ZNF454: variants seen among roughly 807,000 people sequenced by gnomAD.
The protein encoded by ZNF454 is zinc finger protein 454.
In ZNF454, 30 loss-of-function variants were observed where a neutral mutation model predicts 48.2. That is an observed-to-expected ratio of 0.62 (90% CI 0.47 to 0.84). ZNF454 has a LOEUF of 0.84. ZNF454 is among the 40% of genes least tolerant of loss of function. The probability of loss-of-function intolerance (pLI) is 0.00; values close to 1 mark genes in which losing one functional copy is unlikely to be tolerated. For synonymous variants in ZNF454, 204 were observed against 211.4 expected, an observed-to-expected ratio of 0.97 and a Z score of 0.30; for missense variants, 510 against 623.1, an observed-to-expected ratio of 0.82 and a Z score of 1.93.
downstream of ZNF454, among the ~76,000 whole-genome samples, chr5:178,969,126 T>G (rs542525718): frequency 2.3e-4 from 35 of 152,142 alleles, no homozygotes; most frequent in Non-Finnish European, 3.8e-4. Flanking sequence ...GTGGCTTTAC[T>G]GTATTACACT....
the ZNF454 span, chr5:178,985,918 T>C: frequency 1.7e-4 from 101 of 591,346 alleles, 1 homozygote; most frequent in East Asian, 2.1e-3. Context: ...CGCACCACCA[T>C]GCCTGGCTAA....
chr5:178,986,475 G>T, the ZNF454 span: 1 of 1,612,030 alleles, frequency 6.2e-7, no homozygotes, highest in Non-Finnish European at 8.5e-7. Flanking sequence ...TGCCCAGCAC[G>T]GCCAGGAGGA....
chr5:178,989,374 C>T, the ZNF454 span: 38 of 1,613,976 alleles, frequency 2.4e-5, no homozygotes, highest in Non-Finnish European at 3.1e-5. Flanking sequence ...GGTTGTTCTC[C>T]AGGGATCGAG....
At chr5:178,947,028 T>C in intron 4 of ZNF454, 42 bp downstream of exon 4, 4 of 1,566,686 alleles carry the variant, frequency 2.6e-6, no homozygotes, top group East Asian at 2.2e-5. Context: ...GGAGCCCTGC[T>C]GGGTAGGGAA....
chr5:178,985,666 G>A, the ZNF454 span: 30,710 of 392,956 alleles, frequency 0.078, 2,357 homozygotes, highest in East Asian at 0.34. Flanking sequence ...TAGTGCCACT[G>A]CACTCCAGCC....
At chr5:178,956,694 T>G (rs1233403416) in intron 4 of ZNF454, among the ~76,000 whole-genome samples, 1 of 147,526 alleles carries the variant, frequency 6.8e-6, no homozygotes, top group Non-Finnish European at 1.5e-5. Flanking sequence ...TTTATTTATT[T>G]ATTTATTTAT....
chr5:178,977,150 A>C, the ZNF454 span, among the ~76,000 whole-genome samples: 1 of 152,172 alleles, frequency 6.6e-6, no homozygotes, highest in Non-Finnish European at 1.5e-5. Flanking sequence ...CAAGAAGCAG[A>C]AAGACTAGTT....
rs370159159 is a variant in ZNF454, at chr5:178,946,394, C to T, written c.69C>T (p.Phe23=). 12 of 1,612,918 alleles carry T rather than the reference C, an allele frequency of 7.4e-6. No individual in the cohort carries two copies. The highest frequency in any genetic ancestry group is 5.3e-5 in the African/African-American group (4 of 74,872). Residue 23 remains phenylalanine (F), a synonymous_variant, in exon 3 of 5, where the codon TTC becomes TTT. Coordinates refer to ENST00000519564, the MANE Select transcript of ZNF454 (RefSeq NM_001178089.3). The surrounding 1 kb of genome is among the most constrained non-coding windows in gnomAD (Gnocchi z 4.5). ...CCTTCAAGGATGTGGCTATACTGTT[C>T]ACCCAGGAAGAGTGGGGGCAGCTGA... ...SVTFKDVAIL[F]TQEEWGQLSP...
intron 4 of ZNF454, among the ~76,000 whole-genome samples, chr5:178,959,412 C>T (rs545048129): frequency 1.3e-5 from 2 of 152,256 alleles, no homozygotes; most frequent in East Asian, 1.9e-4. Context: ...TTAGATTACT[C>T]GAGCATTATA....
the ZNF454 span, chr5:178,975,682 A>G: frequency 4.6e-6 from 2 of 431,588 alleles, no homozygotes; most frequent in South Asian, 3.2e-5. Context: ...CACACATGGT[A>G]TACATACCCC....
At chr5:178,986,187 A>AG in the ZNF454 span, 1 of 1,613,950 alleles carries the variant, frequency 6.2e-7, no homozygotes, top group Non-Finnish European at 8.5e-7. Context: ...TGATGAAGGG[A>AG]GGGGGTGTGA....
At chr5:178,988,953 G>C in the ZNF454 span, 3 of 1,613,268 alleles carry the variant, frequency 1.9e-6, no homozygotes, top group East Asian at 4.5e-5. The surrounding 1 kb of genome is among the most constrained non-coding windows in gnomAD (Gnocchi z 6.0). Flanking sequence ...CGGACAGCTC[G>C]AATGTACTGC....
chr5:178,969,233 C>T (rs1253278135), downstream of ZNF454, among the ~76,000 whole-genome samples: 2 of 152,202 alleles, frequency 1.3e-5, no homozygotes, highest in African/African-American at 2.4e-5. Flanking sequence ...ATACTGCTCT[C>T]TACCTGGGCA....
intron 4 of ZNF454, among the ~76,000 whole-genome samples, chr5:178,964,355 C>T (rs145120506): frequency 0.023 from 3,461 of 152,156 alleles, 133 homozygotes; most frequent in African/African-American, 0.079. Context: ...CTCCTGACCT[C>T]GTGATCCACC....
At chr5:178,985,448 C>T in the ZNF454 span, among the ~76,000 whole-genome samples, 2 of 151,272 alleles carry the variant, frequency 1.3e-5, no homozygotes, top group South Asian at 2.1e-4. Context: ...TCCCGCCTGT[C>T]ATCCCAGCAC....
At chr5:178,983,076 T>G in the ZNF454 span, 1 of 1,614,168 alleles carries the variant, frequency 6.2e-7, no homozygotes, top group Non-Finnish European at 8.5e-7. Context: ...CAGGAGGCTG[T>G]AGCCCAGGCA....
chr5:178,949,922 C>T (rs895384567), intron 4 of ZNF454, among the ~76,000 whole-genome samples: 4 of 151,708 alleles, frequency 2.6e-5, no homozygotes, highest in African/African-American at 9.7e-5. Context: ...GCCTCTGTTT[C>T]ATTCTTAATG....
In ZNF454 at chr5:178,964,834, C is replaced by T; in HGVS notation, c.430C>T (p.His144Tyr). The T allele has an allele frequency of 6.2e-7, 1 of 1,614,182 alleles. No homozygotes were observed. Among genetic ancestry groups the T allele is most frequent in the Non-Finnish European group, 8.5e-7 (1 of 1,180,042 alleles). ...CAGTTTGCAGCGAGTGGTACTCACTCACCCCAACACCCCATCACAGGAATG... is the reference window on the plus strand; with the variant it reads ...CAGTTTGCAGCGAGTGGTACTCACTTACCCCAACACCCCATCACAGGAATG... The part of the protein sequence containing the change: ...EISLQRVVLT[H>Y]PNTPSQECDE... The change falls in exon 5 of 5, where the codon CAC (histidine) becomes TAC (tyrosine). Residue 144 changes from histidine to tyrosine, a missense_variant. By Grantham distance (83) the His-to-Tyr change is moderately conservative. Transcript: ENST00000519564.
At position 178,953,850 on chromosome 5, in the gene ZNF454, C is replaced by A. The variant is rs533315041; in HGVS notation, c.250+6864C>A. Among the ~76,000 whole-genome samples, 34 of 152,302 alleles carry A rather than the reference C, an allele frequency of 2.2e-4. No individual in the cohort carries two copies. The South Asian group carries it at 7.0e-3, about 32-fold the overall frequency. On this transcript the variant is annotated intron_variant, in intron 4 of 4. Coordinates refer to ENST00000519564, the MANE Select transcript of ZNF454 (RefSeq NM_001178089.3). ...CCTCTCTGAAAACTTGCAAGATTTT[C>A]TCATTTACTCCAGTGATCTTAAATT...
Sources: allele counts gnomAD v4.1 joint callset (sites outside exome capture counted in the v4.1 genomes callset), GRCh38; gene constraint gnomAD v4.1.1; non-coding constraint Gnocchi (gnomAD v3.1); transcripts MANE v1.5; gene names NCBI Gene and HGNC (gene_info 2026-07-23, HGNC 2026-07-21).